Variants in NOM1 observed in about 807,000 individuals in gnomAD.
The protein encoded by NOM1 is nucleolar protein with MIF4G domain 1, also known as nucleolar MIF4G domain-containing protein 1.
A neutral mutation model predicts 73.3 loss-of-function variants in NOM1; 58 were observed. The ratio of observed to expected loss-of-function variants is 0.79; its 90% CI spans 0.64 to 0.99. The LOEUF is 0.99. NOM1 is among the 50% of genes least tolerant of loss of function. The pLI, the probability that NOM1 is intolerant of heterozygous loss-of-function variation, is 0.00. For missense variants in NOM1, 1,226 were observed against 1,131.9 expected, an observed-to-expected ratio of 1.08 and a Z score of -1.19; for synonymous variants, 487 against 446.8, an observed-to-expected ratio of 1.09 and a Z score of -1.14.
chr7:156,961,517 C>G (rs568591754), intron 4 of NOM1, among the ~76,000 whole-genome samples: 5 of 152,088 alleles, frequency 3.3e-5, no homozygotes, highest in African/African-American at 1.2e-4. Context: ...TGTTAATGGG[C>G]TTGGAGTTTC....
chr7:156,952,579 G>A lies in NOM1; in HGVS notation c.1093G>A (p.Val365Ile). 6.2e-7 allele frequency: 1 copy of A among 1,613,958 alleles called. No individual in the cohort carries two copies. The highest frequency in any genetic ancestry group is 8.5e-7 in the Non-Finnish European group (1 of 1,179,976). The change falls in exon 2 of 11, where the codon GTA becomes ATA. Residue 365 changes from valine to isoleucine, a missense_variant. Physicochemically the swap from Val to Ile is conservative, Grantham distance 29. Coordinates refer to ENST00000275820, the MANE Select transcript of NOM1 (RefSeq NM_138400.2). The part of the protein sequence containing the change: ...KEELERLKKH[V>I]KGLLNRLSEP... The stretch of plus-strand genomic sequence containing the variant: ...AGAACTAGAAAGGCTGAAGAAACAT[G>A]TAAAAGGTCTACTTAACAGGTGACC...
At chr7:156,965,690 T>C (rs1191982399) in intron 7 of NOM1, among the ~76,000 whole-genome samples, 2 of 152,114 alleles carry the variant, frequency 1.3e-5, no homozygotes, top group Non-Finnish European at 2.9e-5. Flanking sequence ...CCAAGGTGGG[T>C]GGAACACCTG....
At position 156,950,609 on chromosome 7, in the gene NOM1, A is replaced by AG. The variant is rs1181151615; in HGVS notation, c.877dup (p.Glu293GlyfsTer22). 6.4e-7 allele frequency: 1 copy of AG among 1,571,422 alleles called. No individual in the cohort carries two copies. On this transcript the variant is annotated frameshift_variant, in exon 1 of 11. Transcript: ENST00000275820. LOFTEE classifies it high-confidence loss of function. ...GACGACGAGGATACAGAAGAGGAAC[A>AG]GGGGGAAGAAAAGGAAAAGGGAGCG...
chr7:156,964,607 G>A (rs1804951110), intron 7 of NOM1, among the ~76,000 whole-genome samples: 2 of 152,178 alleles, frequency 1.3e-5, no homozygotes, highest in African/African-American at 2.4e-5. Flanking sequence ...ATCTTTAAAT[G>A]TACCTGTGTA....
rs762396940 is a variant in NOM1 at position 156,950,177 on chromosome 7, C to G, written c.440C>G (p.Ser147Cys). ...TCGCCTCCCAGGAAGCCGCGGCCGT[C>G]CCGGGTCAAGGCCAAGGCCACGGCC... ...DPSPPRKPRPSRVKAKATAAT... is the reference protein window; with the variant it reads ...DPSPPRKPRPCRVKAKATAAT... Residue 147 changes from serine (S) to cysteine (C), a missense_variant, in exon 1 of 11, where the codon TCC becomes TGC. Transcript: ENST00000275820. The G allele has an allele frequency of 4.4e-6, 7 of 1,604,760 alleles. No homozygotes were observed. The highest frequency in any genetic ancestry group is 1.7e-5 in the Admixed American group (1 of 58,966).
chr7:156,972,475 C>T lies in NOM1; in HGVS notation c.*2772C>T, dbSNP rs1451624056. 6.6e-6 allele frequency: 1 copy of T among 152,140 alleles called. No individual in the cohort carries two copies. The highest frequency in any genetic ancestry group is 1.5e-5 in the Non-Finnish European group (1 of 68,032). 9.4% of individuals were successfully genotyped at this position (152,140 alleles called of 1,614,324 possible). On this transcript the variant is annotated 3_prime_UTR_variant, in exon 11 of 11. Transcript: ENST00000275820. ...CTTTGCTAGAGAGTTATATGTATGACTTAAATTATTAGCTATGGTTTGCAT... is the reference window on the plus strand; with the variant it reads ...CTTTGCTAGAGAGTTATATGTATGATTTAAATTATTAGCTATGGTTTGCAT...
intron 4 of NOM1, among the ~76,000 whole-genome samples, chr7:156,960,735 C>T (rs973373510): frequency 2.6e-5 from 4 of 152,214 alleles, no homozygotes; most frequent in Non-Finnish European, 4.4e-5. Context: ...CTAGAGGCAT[C>T]TGAAGGGTTC....
At position 156,972,853 on chromosome 7, in the gene NOM1, A is replaced by G. The variant is rs1402153457; in HGVS notation, c.*3150A>G. ...AAGCAGAAACAAAAACCCAACATATATGGGCTGTTAGATAGTAATTGTAAT... is the reference window on the plus strand; with the variant it reads ...AAGCAGAAACAAAAACCCAACATATGTGGGCTGTTAGATAGTAATTGTAAT... On this transcript the variant is annotated 3_prime_UTR_variant, in exon 11 of 11. Transcript: ENST00000275820. 2.0e-5 allele frequency: 3 copies of G among 152,198 alleles called. No individual in the cohort carries two copies. Among genetic ancestry groups the G allele is most frequent in the Admixed American group, 6.5e-5 (1 of 15,278 alleles). The allele number at this position is 152,198 out of a possible 1,614,324, so 9.4% of individuals were successfully genotyped here.
Position 156,973,086 on chromosome 7 carries a change from C to G in NOM1, c.*3383C>G, listed in dbSNP as rs1805177916. 7.5e-6 allele frequency: 1 copy of G among 132,558 alleles called. No homozygotes were observed. Among genetic ancestry groups the G allele is most frequent in the South Asian group, 2.4e-4 (1 of 4,228 alleles). 8.2% of individuals were successfully genotyped at this position (132,558 alleles called of 1,614,324 possible). A position where few individuals can be genotyped will look rare whatever the true frequency, so the allele number is the denominator to read the frequency against. ...ACTGCTAATGTATAGAATGACTAAA[C>G]AGCTGTCTTTCAGGGTATCATTTTT... is the stretch of plus-strand genomic sequence containing the variant. On this transcript the variant is annotated 3_prime_UTR_variant, in exon 11 of 11. Transcript: ENST00000275820.
chr7:156,952,354 G>T, intron 1 of NOM1, 120 bp from the exon 2 acceptor site: 1 of 1,006,412 alleles, frequency 9.9e-7, no homozygotes, highest in Non-Finnish European at 1.5e-6. Context: ...AAGCAGCAAT[G>T]ATCAGTAGCA....
At chr7:156,964,568 C>T (rs1804949186) in intron 7 of NOM1, among the ~76,000 whole-genome samples, 1 of 151,744 alleles carries the variant, frequency 6.6e-6, no homozygotes, top group African/African-American at 2.4e-5. Flanking sequence ...CATACTGAGA[C>T]CCCCATCTCA....
Position 156,962,169 on chromosome 7 carries a change from A to G in NOM1, c.1651A>G (p.Thr551Ala). ...DQTRIRFMLE[T>A]MLALKNNDMR... Reference sequence around the variant, plus strand: ...CTTGAAGATTCGGTTTATGCTAGAGACGATGTTGGCCCTGAAGAACAATGA... The same window carrying G: ...CTTGAAGATTCGGTTTATGCTAGAGGCGATGTTGGCCCTGAAGAACAATGA... The change falls in exon 5 of 11, where the codon ACG becomes GCG. Residue 551 changes from threonine (T) to alanine (A), a missense_variant. Thr to Ala is a moderately conservative substitution (Grantham distance 58). Transcript: ENST00000275820. 1.2e-6 allele frequency: 2 copies of G among 1,613,908 alleles called. No homozygotes were observed. The highest frequency in any genetic ancestry group is 1.7e-6 in the Non-Finnish European group (2 of 1,179,908).
intron 4 of NOM1, among the ~76,000 whole-genome samples, chr7:156,960,648 G>A (rs1343452042): frequency 6.6e-6 from 1 of 152,208 alleles, no homozygotes; most frequent in African/African-American, 2.4e-5. Flanking sequence ...AGCCTGGAGG[G>A]GGCATCACAA....
At position 156,949,845 on chromosome 7, in the gene NOM1, C is replaced by T. The variant is rs1007226565; in HGVS notation, c.108C>T (p.Gly36=). 4.8e-6 allele frequency: 7 copies of T among 1,465,582 alleles called. No individual in the cohort carries two copies. Among genetic ancestry groups the T allele is most frequent in the Non-Finnish European group, 6.3e-6 (7 of 1,109,440 alleles). The allele number at this position is 1,465,582 out of a possible 1,614,324, so 90.8% of individuals were successfully genotyped here. The change falls in exon 1 of 11, where the codon GGC becomes GGT. Residue 36 remains glycine (G), a synonymous_variant. Transcript: ENST00000275820. ...GGRGPRRGPA[G]GGEKALKRLK... is the part of the protein sequence containing the mutation. ...GCGGGCCGCGCCGCGGTCCTGCTGGCGGTGGGGAGAAGGCCCTGAAGAGGC... is the reference window on the plus strand; with the variant it reads ...GCGGGCCGCGCCGCGGTCCTGCTGGTGGTGGGGAGAAGGCCCTGAAGAGGC...
intron 3 of NOM1, among the ~76,000 whole-genome samples, chr7:156,957,789 A>AGG (rs1208681599): frequency 7.5e-6 from 1 of 133,934 alleles, no homozygotes. Flanking sequence ...AAAAAAAAAA[A>AGG]AAAAAAAAAA....
rs540484481 is a variant in NOM1, at chr7:156,954,186, C to T, written c.1196C>T (p.Thr399Ile). Reference sequence around the variant, plus strand: ...CACAGCAGAAAGGACATGAATGACACCCTGACCTCCGCTCTCATGGGTGCC... The same window carrying T: ...CACAGCAGAAAGGACATGAATGACATCCTGACCTCCGCTCTCATGGGTGCC... ...MAHSRKDMND[T>I]LTSALMGACV... Residue 399 changes from threonine to isoleucine, a missense_variant, in exon 3 of 11, where the codon ACC becomes ATC. Transcript: ENST00000275820. 3.7e-6 allele frequency: 6 copies of T among 1,613,868 alleles called. No individual in the cohort carries two copies. The African/African-American group carries it at 6.7e-5, about 18-fold the overall frequency.
intron 9 of NOM1, among the ~76,000 whole-genome samples, chr7:156,967,335 GAGGTTA>G (rs1426287619): frequency 1.3e-5 from 2 of 152,210 alleles, no homozygotes; most frequent in Non-Finnish European, 2.9e-5. Context: ...TTTGGAGCTT[GAGGTTA>G]ATTTGCTGGT....
At chr7:156,953,370 C>T (rs1366939886) in intron 2 of NOM1, among the ~76,000 whole-genome samples, 2 of 152,198 alleles carry the variant, frequency 1.3e-5, no homozygotes, top group East Asian at 1.9e-4. Context: ...TCAGGTGATC[C>T]GCCCGCCTCA....
At chr7:156,952,341 T>C (rs1404241490) in intron 1 of NOM1, 133 bp from the exon 2 acceptor site, 3 of 906,286 alleles carry the variant, frequency 3.3e-6, no homozygotes, top group Non-Finnish European at 3.3e-6. Flanking sequence ...ATCTGATGTA[T>C]TTAAGCAGCA....
Sources: gnomAD v4.1 joint callset for allele counts (sites outside exome capture counted in the v4.1 genomes callset) on GRCh38, gnomAD v4.1.1 for gene constraint, MANE v1.5 for transcripts, NCBI Gene and HGNC (gene_info 2026-07-23, HGNC 2026-07-21) for gene names.